PSEN1: variants seen among roughly 807,000 people sequenced by gnomAD.
PSEN1 encodes presenilin-1.
Under a neutral mutation model 53.5 loss-of-function variants are expected in PSEN1, and 15 were observed. The ratio of observed to expected loss-of-function variants is 0.28; its 90% CI spans 0.19 to 0.43. PSEN1 has a LOEUF of 0.43. Among genes scored for constraint, PSEN1 ranks in the 20% least tolerant of loss-of-function variants. PSEN1 has a pLI of 1.00. For synonymous variants in PSEN1, 208 were observed against 209.8 expected (o/e 0.99, Z 0.08); for missense variants, 387 against 571.2 (o/e 0.68, Z 3.29).
chr14:73,172,037 G>A (rs1348173085), intron 4 of PSEN1, among the ~76,000 whole-genome samples: 1 of 152,092 alleles, frequency 6.6e-6, no homozygotes, highest in Non-Finnish European at 1.5e-5. Flanking sequence ...GCCTGTGAGG[G>A]TACTGAGTCT....
intron 3 of PSEN1, chr14:73,168,986 GCCTCT>G (rs1594994936): frequency 6.6e-6 from 1 of 152,286 alleles, no homozygotes; most frequent in East Asian, 1.9e-4. Flanking sequence ...CTTGCACACT[GCCTCT>G]TGCAAGGGGT....
rs1237272241 is a variant in PSEN1, at chr14:73,206,334, A to G, written c.869-52A>G. The G allele has an allele frequency of 1.6e-5, 20 of 1,264,666 alleles. No homozygotes were observed. In the East Asian group the frequency reaches 2.6e-4, roughly 16 times the overall value. 78.3% of individuals were successfully genotyped at this position (1,264,666 alleles called of 1,614,324 possible). A position where few individuals can be genotyped will look rare whatever the true frequency, so the allele number is the denominator to read the frequency against. ...GAGAAATGATGGCTTGTTGTTGTCT[A>G]TGCATACTTTGTGTGTCCAGTGCTT... On this transcript the variant is annotated intron_variant, in intron 8 of 11. Coordinates refer to ENST00000324501, the MANE Select transcript of PSEN1 (RefSeq NM_000021.4).
intron 8 of PSEN1, 74 bp downstream of exon 8, chr14:73,198,203 G>T: frequency 1.1e-6 from 1 of 880,218 alleles, no homozygotes; most frequent in South Asian, 1.4e-5. Context: ...TGTAACTATG[G>T]TCATTTTCAT....
intron 6 of PSEN1, among the ~76,000 whole-genome samples, chr14:73,189,267 C>G (rs1405491071): frequency 6.6e-6 from 1 of 152,122 alleles, no homozygotes; most frequent in African/African-American, 2.4e-5. Context: ...AAAACCAATT[C>G]AAATTACTAA....
At chr14:73,197,814 T>G (rs1899015525) in intron 7 of PSEN1, 1 of 553,664 alleles carries the variant, frequency 1.8e-6, no homozygotes, top group Non-Finnish European at 3.2e-6. Flanking sequence ...CAAATGAAAT[T>G]TTTACAGATG....
chr14:73,151,095 T>G (rs1341995304), intron 3 of PSEN1, among the ~76,000 whole-genome samples: 2 of 151,890 alleles, frequency 1.3e-5, no homozygotes, highest in Admixed American at 1.3e-4. Context: ...AAACTTTATG[T>G]GGTTTATGTC....
intron 9 of PSEN1, among the ~76,000 whole-genome samples, chr14:73,210,852 T>TA (rs527641069): frequency 7.2e-5 from 11 of 152,296 alleles, no homozygotes; most frequent in Admixed American, 2.0e-4. Context: ...GAAGGAAGAA[T>TA]AAAAGTACTT....
At chr14:73,184,327 G>A (rs1486014998) in intron 5 of PSEN1, among the ~76,000 whole-genome samples, 4 of 109,406 alleles carry the variant, frequency 3.7e-5, no homozygotes, top group African/African-American at 1.2e-4. Context: ...CCTCCCGGAC[G>A]GGGCGGCTGG....
chr14:73,169,510 C>T (rs1326312712), intron 3 of PSEN1: 1 of 152,200 alleles, frequency 6.6e-6, no homozygotes, highest in African/African-American at 2.4e-5. Flanking sequence ...AACTAAAGTA[C>T]TTCTCTCTTC....
At chr14:73,190,489 A>T (rs1055253703) in intron 6 of PSEN1, among the ~76,000 whole-genome samples, 18 of 151,564 alleles carry the variant, frequency 1.2e-4, no homozygotes, top group African/African-American at 4.1e-4. Context: ...TCTATTTAAA[A>T]AAAAAAAAAA....
intron 3 of PSEN1, among the ~76,000 whole-genome samples, chr14:73,164,384 A>G (rs362350): frequency 0.078 from 11,904 of 152,288 alleles, 574 homozygotes; most frequent in South Asian, 0.19. Flanking sequence ...CATCTGGACA[A>G]TACCCTAAGA....
intron 7 of PSEN1, among the ~76,000 whole-genome samples, chr14:73,194,995 T>C (rs362365): frequency 0.015 from 2,256 of 152,304 alleles, 45 homozygotes; most frequent in African/African-American, 0.049. Context: ...TCTGTTCTTG[T>C]ATTTGAGTAA....
At chr14:73,206,851 C>T (rs1429704731) in intron 9 of PSEN1, among the ~76,000 whole-genome samples, 6 of 151,924 alleles carry the variant, frequency 3.9e-5, no homozygotes, top group Non-Finnish European at 1.5e-5. Context: ...AAAAAAGAAA[C>T]AGACAATAAA....
chr14:73,148,860 G>A (rs1264114108), intron 3 of PSEN1, among the ~76,000 whole-genome samples: 1 of 152,202 alleles, frequency 6.6e-6, no homozygotes, highest in Non-Finnish European at 1.5e-5. Context: ...TGGAACCCAG[G>A]AGGTGGAGGT....
At chr14:73,217,825 T>A (rs891862995) in intron 11 of PSEN1, among the ~76,000 whole-genome samples, 1 of 135,330 alleles carries the variant, frequency 7.4e-6, no homozygotes, top group Non-Finnish European at 1.6e-5. Context: ...TGAGACGGAG[T>A]CTCTGTCACC....
chr14:73,168,172 A>T (rs914168782), intron 3 of PSEN1: 1 of 152,144 alleles, frequency 6.6e-6, no homozygotes, highest in African/African-American at 2.4e-5. Flanking sequence ...CCTGGCCAAC[A>T]TGGCAAAACC....
At chr14:73,189,776 C>T (rs1462225872) in intron 6 of PSEN1, 3 of 223,280 alleles carry the variant, frequency 1.3e-5, no homozygotes, top group African/African-American at 4.7e-5. Context: ...GCAGAGATGC[C>T]AGCTGAGGTC....
At chr14:73,157,691 A>G (rs1897400836) in intron 3 of PSEN1, among the ~76,000 whole-genome samples, 1 of 151,828 alleles carries the variant, frequency 6.6e-6, no homozygotes, top group Non-Finnish European at 1.5e-5. Context: ...ATTTACTATT[A>G]TGATACTATT....
chr14:73,138,514 C>T (rs1047437395), intron 1 of PSEN1, among the ~76,000 whole-genome samples: 4 of 150,810 alleles, frequency 2.7e-5, no homozygotes, highest in South Asian at 2.1e-4. Flanking sequence ...CCACCCTGCC[C>T]GGCCGGCTAT....
Sources: allele counts gnomAD v4.1 joint callset (sites outside exome capture counted in the v4.1 genomes callset), GRCh38; gene constraint gnomAD v4.1.1; transcripts MANE v1.5; gene names NCBI Gene and HGNC (gene_info 2026-07-23, HGNC 2026-07-21).